CCDC91: variants seen among roughly 807,000 people sequenced by gnomAD.
The protein encoded by CCDC91 is coiled-coil domain containing 91.
CCDC91 carries 48 observed loss-of-function variants against 63.2 expected under a neutral mutation model. That is an observed-to-expected ratio of 0.76 (90% CI 0.60 to 0.97). The LOEUF is 0.97. CCDC91 is among the 50% of genes least tolerant of loss of function. The pLI, the probability that CCDC91 is intolerant of heterozygous loss-of-function variation, is 0.00. For synonymous variants in CCDC91, 167 were observed against 165.8 expected, an observed-to-expected ratio of 1.01 and a Z score of -0.06; for missense variants, 500 against 494.6, an observed-to-expected ratio of 1.01 and a Z score of -0.10.
intron 12 of CCDC91, among the ~76,000 whole-genome samples, chr12:28,519,214 T>C (rs1211248627): frequency 6.6e-6 from 1 of 152,120 alleles, no homozygotes; most frequent in Non-Finnish European, 1.5e-5. Flanking sequence ...GTGTAGTCTA[T>C]GATTTCTTTC....
At chr12:28,442,800 G>A (rs1249432459) in intron 8 of CCDC91, among the ~76,000 whole-genome samples, 1 of 152,092 alleles carries the variant, frequency 6.6e-6, no homozygotes, top group African/African-American at 2.4e-5. Flanking sequence ...TTTTACAAGG[G>A]AACAAGGTTT....
At chr12:28,255,574 T>G (rs921239569) in intron 1 of CCDC91, 1 of 152,200 alleles carries the variant, frequency 6.6e-6, no homozygotes, top group Non-Finnish European at 1.5e-5. Flanking sequence ...TGGTTTATAT[T>G]TTTTAGGTGC....
rs370228614 is a variant in CCDC91, at chr12:28,237,562, A to G, written c.-14-19640A>G. Among the ~76,000 whole-genome samples the G allele has an allele frequency of 3.9e-5, 6 of 152,200 alleles. No individual in the cohort carries two copies. In the East Asian group the frequency reaches 9.6e-4, roughly 24 times the overall value. On this transcript the variant is annotated intron_variant, in intron 1 of 12. Coordinates refer to ENST00000536442, the MANE Select transcript of CCDC91 (RefSeq NM_018318.5). Reference sequence around the variant, plus strand: ...CCTTGAACATTAGAGTGATGAGGCTACAAACCAAGGAATACCAGCAGCTAT... The same window carrying G: ...CCTTGAACATTAGAGTGATGAGGCTGCAAACCAAGGAATACCAGCAGCTAT...
chr12:28,548,806 C>T (rs1404849360), intron 12 of CCDC91, among the ~76,000 whole-genome samples: 3 of 152,068 alleles, frequency 2.0e-5, no homozygotes, highest in Non-Finnish European at 2.9e-5. Context: ...TGAAATCATT[C>T]TGATCAAATG....
intron 7 of CCDC91, among the ~76,000 whole-genome samples, chr12:28,369,173 C>A (rs1294615341): frequency 6.6e-6 from 1 of 152,138 alleles, no homozygotes; most frequent in African/African-American, 2.4e-5. Context: ...TGAGACAAGG[C>A]ATATCACTTT....
At chr12:28,358,439 G>C (rs1157313779) in intron 6 of CCDC91, among the ~76,000 whole-genome samples, 2 of 152,206 alleles carry the variant, frequency 1.3e-5, no homozygotes, top group Admixed American at 1.3e-4. Flanking sequence ...GGCCATTCTA[G>C]TTCTTCTTTA....
chr12:28,230,764 C>T (rs1944538595), intron 1 of CCDC91, among the ~76,000 whole-genome samples: 1 of 152,064 alleles, frequency 6.6e-6, no homozygotes, highest in Admixed American at 6.6e-5. Flanking sequence ...ACTGGGACTA[C>T]AGGTGTGTAC....
chr12:28,244,868 C>T (rs1945613208), intron 1 of CCDC91, among the ~76,000 whole-genome samples: 1 of 135,460 alleles, frequency 7.4e-6, no homozygotes, highest in Non-Finnish European at 1.7e-5. Flanking sequence ...GAAACTCTGT[C>T]TCAAAAAAAA....
intron 3 of CCDC91, among the ~76,000 whole-genome samples, chr12:28,294,869 G>A (rs1290881951): frequency 2.0e-5 from 3 of 152,260 alleles, no homozygotes; most frequent in Non-Finnish European, 4.4e-5. Context: ...ACAGGTTTGA[G>A]CTACTACGCT....
chr12:28,324,974 A>C (rs994827004), intron 6 of CCDC91, among the ~76,000 whole-genome samples: 2 of 151,946 alleles, frequency 1.3e-5, no homozygotes, highest in Non-Finnish European at 2.9e-5. Context: ...ACTTGGAAGC[A>C]TAATAATGAA....
At chr12:28,348,300 T>C (rs757127363) in intron 6 of CCDC91, among the ~76,000 whole-genome samples, 9 of 152,146 alleles carry the variant, frequency 5.9e-5, no homozygotes, top group Admixed American at 4.6e-4. Context: ...GTCTCCCTTA[T>C]TGACAAATAG....
At chr12:28,269,631 C>T (rs777240591) in intron 3 of CCDC91, among the ~76,000 whole-genome samples, 2 of 152,062 alleles carry the variant, frequency 1.3e-5, no homozygotes, top group Non-Finnish European at 2.9e-5. Context: ...TAAATGTTAC[C>T]TGTTTGTGAC....
intron 3 of CCDC91, among the ~76,000 whole-genome samples, chr12:28,294,105 C>T (rs1198725608): frequency 6.6e-6 from 1 of 152,108 alleles, no homozygotes; most frequent in African/African-American, 2.4e-5. Context: ...TATAATTAAA[C>T]TCAGAATCTT....
At chr12:28,352,117 G>A (rs2138280868) in intron 6 of CCDC91, among the ~76,000 whole-genome samples, 1 of 152,252 alleles carries the variant, frequency 6.6e-6, no homozygotes, top group East Asian at 1.9e-4. Flanking sequence ...TACCATTCAT[G>A]TCTAAAAAAT....
intron 1 of CCDC91, among the ~76,000 whole-genome samples, chr12:28,219,454 T>G (rs1302693738): frequency 1.3e-5 from 2 of 151,660 alleles, no homozygotes; most frequent in East Asian, 3.8e-4. Context: ...ATAACAAAAT[T>G]TACCAGTGTA....
At chr12:28,228,415 CTTAAT>C (rs1944404701) in intron 1 of CCDC91, among the ~76,000 whole-genome samples, 1 of 152,176 alleles carries the variant, frequency 6.6e-6, no homozygotes, top group Admixed American at 6.6e-5. Context: ...GACATAAGGA[CTTAAT>C]TTAATTCATT....
intron 8 of CCDC91, among the ~76,000 whole-genome samples, chr12:28,436,472 G>A (rs548963137): frequency 1.3e-5 from 2 of 151,674 alleles, no homozygotes; most frequent in African/African-American, 4.8e-5. Flanking sequence ...ATGCATAAGT[G>A]TACATATCAA....
chr12:28,418,680 CA>C (rs1427435314), intron 8 of CCDC91, among the ~76,000 whole-genome samples: 2 of 151,918 alleles, frequency 1.3e-5, no homozygotes, highest in East Asian at 3.9e-4. Flanking sequence ...TGTGATATTT[CA>C]AAATTAGATT....
chr12:28,477,154 C>A (rs1344077767), intron 11 of CCDC91, among the ~76,000 whole-genome samples: 4 of 152,202 alleles, frequency 2.6e-5, no homozygotes, highest in African/African-American at 9.6e-5. Context: ...CAAAGCCTGG[C>A]AGAGACACAA....
Sources: gnomAD v4.1 joint callset for allele counts (sites outside exome capture counted in the v4.1 genomes callset) on GRCh38, gnomAD v4.1.1 for gene constraint, MANE v1.5 for transcripts, NCBI Gene and HGNC (gene_info 2026-07-23, HGNC 2026-07-21) for gene names.